The following RXFP2 variants were observed in gnomAD, a reference collection of about 807,000 sequenced individuals.
The protein encoded by RXFP2 is relaxin receptor 2.
A neutral mutation model predicts 88.6 loss-of-function variants in RXFP2; 68 were observed. That is an observed-to-expected ratio of 0.77 (90% CI 0.63 to 0.94). The LOEUF is 0.94. Among genes scored for constraint, RXFP2 ranks in the 40% least tolerant of loss-of-function variants. The probability of loss-of-function intolerance (pLI) is 0.00; values close to 1 mark genes in which losing one functional copy is unlikely to be tolerated. For synonymous variants in RXFP2, 329 were observed against 306.8 expected, an observed-to-expected ratio of 1.07 and a Z score of -0.76; for missense variants, 791 against 893.9, an observed-to-expected ratio of 0.88 and a Z score of 1.47.
intron 1 of RXFP2, among the ~76,000 whole-genome samples, chr13:31,750,322 T>A (rs1871611029): frequency 6.6e-6 from 1 of 152,114 alleles, no homozygotes; most frequent in South Asian, 2.1e-4. Flanking sequence ...CCAAATGTAT[T>A]CCTTTGAAAA....
At chr13:31,774,762 T>A in intron 6 of RXFP2, 71 bp downstream of exon 6, 2 of 854,652 alleles carry the variant, frequency 2.3e-6, no homozygotes, top group Non-Finnish European at 4.1e-6. Flanking sequence ...TGGTACTTTT[T>A]CAAGGCTCGA....
chr13:31,743,197 A>G (rs183446428), intron 1 of RXFP2, among the ~76,000 whole-genome samples: 65 of 152,348 alleles, frequency 4.3e-4, no homozygotes, highest in African/African-American at 1.5e-3. Context: ...GATTGAGGCC[A>G]TACGCAGTGG....
chr13:31,800,721 G>A (rs922653556), intron 17 of RXFP2, among the ~76,000 whole-genome samples: 2 of 152,190 alleles, frequency 1.3e-5, no homozygotes, highest in Non-Finnish European at 2.9e-5. Context: ...GGCACTATCA[G>A]GCATTGTTTT....
chr13:31,757,808 C>A (rs897877176), intron 1 of RXFP2, among the ~76,000 whole-genome samples: 1 of 151,988 alleles, frequency 6.6e-6, no homozygotes, highest in Non-Finnish European at 1.5e-5. Context: ...AAAATGTTAT[C>A]ATTGGCCAGG....
intron 1 of RXFP2, among the ~76,000 whole-genome samples, chr13:31,751,961 T>C (rs1227528873): frequency 6.6e-6 from 1 of 152,172 alleles, no homozygotes; most frequent in Non-Finnish European, 1.5e-5. Flanking sequence ...AGGTGGAGTT[T>C]TGGCAGTTTA....
chr13:31,743,805 C>T (rs1053484075), intron 1 of RXFP2, among the ~76,000 whole-genome samples: 1 of 152,024 alleles, frequency 6.6e-6, no homozygotes, highest in African/African-American at 2.4e-5. Flanking sequence ...TTCTGCTCAC[C>T]TTGGGCCTGC....
chr13:31,766,916 C>T (rs938426974), intron 5 of RXFP2, among the ~76,000 whole-genome samples: 42 of 152,212 alleles, frequency 2.8e-4, no homozygotes, highest in African/African-American at 9.9e-4. Flanking sequence ...CTCTGTGGCA[C>T]TGGAGGGGCT....
At chr13:31,760,339 C>A (rs936637987) in intron 2 of RXFP2, among the ~76,000 whole-genome samples, 13 of 152,222 alleles carry the variant, frequency 8.5e-5, no homozygotes, top group African/African-American at 3.1e-4. Flanking sequence ...GATCCGCCCG[C>A]CTCGGCCTCC....
rs1420761458 is a variant in RXFP2 at position 31,739,722 on chromosome 13, T to C, written c.94+16T>C. Reference sequence around the variant, plus strand: ...AATGTCAAAGGTAAGGTTGCTACTTTCTCGTTTTAAATGAGTGCAATTCCC... The same window carrying C: ...AATGTCAAAGGTAAGGTTGCTACTTCCTCGTTTTAAATGAGTGCAATTCCC... On this transcript the variant is annotated intron_variant, in intron 1 of 17. Coordinates refer to ENST00000298386, the MANE Select transcript of RXFP2 (RefSeq NM_130806.5). 8 of 1,536,452 alleles carry C rather than the reference T, an allele frequency of 5.2e-6. No individual in the cohort carries two copies. The highest frequency in any genetic ancestry group is 7.2e-6 in the Non-Finnish European group (8 of 1,109,478).
At chr13:31,789,030 T>A in intron 13 of RXFP2, 92 bp from the exon 14 acceptor site, 1 of 822,854 alleles carries the variant, frequency 1.2e-6, no homozygotes, top group East Asian at 2.4e-5. Flanking sequence ...TAACATAAGA[T>A]CTTGAAGCAT....
chr13:31,781,878 A>G (rs765703341), intron 10 of RXFP2, 136 bp downstream of exon 10: 1 of 676,242 alleles, frequency 1.5e-6, no homozygotes, highest in Non-Finnish European at 2.6e-6. Flanking sequence ...TAGAAAATGC[A>G]CACACTGATT....
intron 8 of RXFP2, 83 bp downstream of exon 8, chr13:31,777,530 A>C: frequency 9.3e-7 from 1 of 1,073,258 alleles, no homozygotes; most frequent in Non-Finnish European, 1.4e-6. Flanking sequence ...AACTTTTAAA[A>C]AAATCAAGCC....
At chr13:31,786,920 A>C (rs540597755) in intron 13 of RXFP2, among the ~76,000 whole-genome samples, 2 of 152,336 alleles carry the variant, frequency 1.3e-5, no homozygotes, top group East Asian at 1.9e-4. Flanking sequence ...CAAAGAATTA[A>C]ATTTGCAATA....
chr13:31,786,623 A>G lies in RXFP2; in HGVS notation c.1059A>G (p.Lys353=), dbSNP rs988627944. The G allele has an allele frequency of 1.3e-6, 2 of 1,583,124 alleles. No homozygotes were observed. Among genetic ancestry groups the G allele is most frequent in the Non-Finnish European group, 1.7e-6 (2 of 1,152,290 alleles). ...ACAAGAACCAGTTTGAAAGTCTTAA[A>G]CAACTTCAGTCTCTGTAAGTGAAAT... is the stretch of plus-strand genomic sequence containing the variant. ...YLHKNQFESL[K]QLQSLDLERI... Residue 353 remains lysine (K), a synonymous_variant, in exon 13 of 18, where the codon AAA becomes AAG. Coordinates refer to ENST00000298386, the MANE Select transcript of RXFP2 (RefSeq NM_130806.5).
chr13:31,758,155 C>A, intron 1 of RXFP2, 103 bp from the exon 2 acceptor site: 1 of 1,107,946 alleles, frequency 9.0e-7, no homozygotes, highest in Non-Finnish European at 1.4e-6. Context: ...AAGAATAATA[C>A]CAGATGAACT....
intron 17 of RXFP2, among the ~76,000 whole-genome samples, chr13:31,798,972 G>A (rs1278324105): frequency 1.3e-5 from 2 of 152,114 alleles, no homozygotes; most frequent in Non-Finnish European, 2.9e-5. Flanking sequence ...GTTTACACCA[G>A]GTTTATTGGC....
chr13:31,774,109 C>T lies in RXFP2; in HGVS notation c.498-511C>T, dbSNP rs572745872. 2.0e-5 allele frequency among the ~76,000 whole-genome samples: 3 copies of T among 152,316 alleles called. No homozygotes were observed. The East Asian group carries it at 5.8e-4, about 29-fold the overall frequency. ...TTGCCCTGGTTCAACTGCTGATGTCCTTTGATATCCTGAGTACCTAACTTG... is the reference window on the plus strand; with the variant it reads ...TTGCCCTGGTTCAACTGCTGATGTCTTTTGATATCCTGAGTACCTAACTTG... On this transcript the variant is annotated intron_variant, in intron 5 of 17. Coordinates refer to ENST00000298386, the MANE Select transcript of RXFP2 (RefSeq NM_130806.5).
chr13:31,747,196 C>A (rs1871461473), intron 1 of RXFP2, among the ~76,000 whole-genome samples: 1 of 152,114 alleles, frequency 6.6e-6, no homozygotes, highest in Admixed American at 6.5e-5. Context: ...AAGAATAAAG[C>A]ATGAGAAAAT....
At chr13:31,792,504 AT>A (rs1469347671) in intron 15 of RXFP2, among the ~76,000 whole-genome samples, 173 bp from the exon 16 acceptor site, 1 of 152,168 alleles carries the variant, frequency 6.6e-6, no homozygotes, top group Non-Finnish European at 1.5e-5. Flanking sequence ...AATATTACAG[AT>A]TTTTAAGTCC....
Sources: gnomAD v4.1 joint callset for allele counts (sites outside exome capture counted in the v4.1 genomes callset) on GRCh38, gnomAD v4.1.1 for gene constraint, MANE v1.5 for transcripts, NCBI Gene and HGNC (gene_info 2026-07-23, HGNC 2026-07-21) for gene names.